Variants in DCLK1 observed in about 807,000 individuals in gnomAD.
DCLK1 encodes doublecortin like kinase 1, also known as serine/threonine-protein kinase DCLK1.
DCLK1 carries 16 observed loss-of-function variants against 86.2 expected under a neutral mutation model. That is an observed-to-expected ratio of 0.19 (90% CI 0.13 to 0.28). The LOEUF (loss-of-function observed/expected upper bound fraction) is 0.28. Among genes scored for constraint, DCLK1 ranks in the 10% least tolerant of loss-of-function variants. The pLI, the probability that DCLK1 is intolerant of heterozygous loss-of-function variation, is 1.00. For synonymous variants in DCLK1, 369 were observed against 370.5 expected (o/e 1.00, Z 0.05); for missense variants, 590 against 940.2 (o/e 0.63, Z 4.87).
intron 4 of DCLK1, among the ~76,000 whole-genome samples, chr13:35,914,161 A>C (rs1334229424): frequency 1.3e-5 from 2 of 151,576 alleles, no homozygotes; most frequent in Non-Finnish European, 2.9e-5. Context: ...TCTACAAAAA[A>C]TACAAATATT....
At position 35,994,746 on chromosome 13, in the gene DCLK1, G is replaced by A. The variant is rs370265942; in HGVS notation, c.724-47289C>T. ...TCGGGCTCTGATTCAGTCTTCAAAT[G>A]TCTGGCATGGAACATGAACTTCTGA... is the stretch of plus-strand genomic sequence containing the variant. On this transcript the variant is annotated intron_variant, in intron 3 of 16. Transcript: ENST00000360631. Among the ~76,000 whole-genome samples the A allele has an allele frequency of 2.6e-5, 4 of 152,318 alleles. No individual in the cohort carries two copies. The East Asian group carries it at 7.7e-4, about 29-fold the overall frequency.
At chr13:35,825,164 A>C (rs1247822892) in intron 10 of DCLK1, among the ~76,000 whole-genome samples, 2 of 152,148 alleles carry the variant, frequency 1.3e-5, no homozygotes, top group African/African-American at 4.8e-5. Context: ...TGAGAGCTTC[A>C]GGCATTCTTT....
chr13:35,974,652 T>A (rs966698443), intron 3 of DCLK1, among the ~76,000 whole-genome samples: 1 of 152,114 alleles, frequency 6.6e-6, no homozygotes, highest in East Asian at 1.9e-4. Flanking sequence ...TGCTTCCCTT[T>A]CACCTTCTGC....
At position 35,922,207 on chromosome 13, in the gene DCLK1, T is replaced by A. The variant is rs140211764; in HGVS notation, c.823+25151A>T. On this transcript the variant is annotated intron_variant, in intron 4 of 16. Transcript: ENST00000360631. ...AAAGTGACTGAAAAAATAAATCAAATTTTTTAATGTAAATAATAGGTACTA... is the reference window on the plus strand; with the variant it reads ...AAAGTGACTGAAAAAATAAATCAAAATTTTTAATGTAAATAATAGGTACTA... 2.2e-3 allele frequency among the ~76,000 whole-genome samples: 342 copies of A among 152,284 alleles called. 3 individuals carry two copies. Among genetic ancestry groups the A allele is most frequent in the African/African-American group, 7.8e-3 (326 of 41,554 alleles).
At chr13:36,100,409 A>G (rs1885176770) in intron 3 of DCLK1, among the ~76,000 whole-genome samples, 1 of 152,034 alleles carries the variant, frequency 6.6e-6, no homozygotes, top group Non-Finnish European at 1.5e-5. Flanking sequence ...TGATGTTACC[A>G]GGAAACAAAA....
chr13:35,958,609 G>A (rs1878279704), intron 3 of DCLK1, among the ~76,000 whole-genome samples: 1 of 152,148 alleles, frequency 6.6e-6, no homozygotes, highest in Non-Finnish European at 1.5e-5. Flanking sequence ...CATAAGGGGA[G>A]CCCTTACAAA....
At chr13:35,953,741 T>C (rs1877827072) in intron 3 of DCLK1, among the ~76,000 whole-genome samples, 1 of 152,160 alleles carries the variant, frequency 6.6e-6, no homozygotes, top group Non-Finnish European at 1.5e-5. Context: ...GTGGAATCCA[T>C]TCCCCCTCAC....
rs1041082435 is a variant in DCLK1 at position 35,772,686 on chromosome 13, C to T, written c.*1849G>A. 9.9e-5 allele frequency: 15 copies of T among 151,312 alleles called. No homozygotes were observed. Among genetic ancestry groups the T allele is most frequent in the African/African-American group, 3.4e-4 (14 of 41,034 alleles). 9.4% of individuals were successfully genotyped at this position (151,312 alleles called of 1,614,324 possible). On this transcript the variant is annotated 3_prime_UTR_variant, in exon 17 of 17. Coordinates refer to ENST00000360631, the MANE Select transcript of DCLK1 (RefSeq NM_001330071.2). The stretch of plus-strand genomic sequence containing the variant: ...CTCTAAAAGGGGGGGAAAAAAACCT[C>T]AATAAACGATATGCTTTTTACATGT...
At chr13:35,966,915 C>T (rs9545949) in intron 3 of DCLK1, among the ~76,000 whole-genome samples, 17,052 of 151,990 alleles carry the variant, frequency 0.11, 1,064 homozygotes, top group East Asian at 0.2. Context: ...CAGCCTCTGC[C>T]CGGCCGCCAC....
chr13:35,799,065 C>G (rs182281339), intron 15 of DCLK1, among the ~76,000 whole-genome samples: 49 of 152,234 alleles, frequency 3.2e-4, no homozygotes, highest in Non-Finnish European at 1.5e-5. Flanking sequence ...TTTATTTAAA[C>G]CAGTCTGTTC....
chr13:35,890,319 T>C (rs528628520), intron 4 of DCLK1, among the ~76,000 whole-genome samples: 13 of 152,262 alleles, frequency 8.5e-5, no homozygotes, highest in African/African-American at 3.1e-4. Flanking sequence ...TTTTCCGGTA[T>C]AAAAATGGGA....
At position 35,808,272 on chromosome 13, in the gene DCLK1, C is replaced by T. The variant is rs1187518423; in HGVS notation, c.1815G>A (p.Gln605=). The change falls in exon 14 of 17, where the codon CAG becomes CAA. Residue 605 remains glutamine (Q), a synonymous_variant. Transcript: ENST00000360631. ...CCCAGTATGGAGAAGGAAAGTCCACCTGCCCCATCAAAATCTGATCAAAAA... is the reference window on the plus strand; with the variant it reads ...CCCAGTATGGAGAAGGAAAGTCCACTTGCCCCATCAAAATCTGATCAAAAA... ...EVLFDQILMG[Q]VDFPSPYWDN... 70 of 1,613,966 alleles carry T rather than the reference C, an allele frequency of 4.3e-5. No homozygotes were observed. Among genetic ancestry groups the T allele is most frequent in the Non-Finnish European group, 5.3e-5 (63 of 1,179,994 alleles).
chr13:36,039,610 T>C (rs1378922825), intron 3 of DCLK1, among the ~76,000 whole-genome samples: 1 of 151,986 alleles, frequency 6.6e-6, no homozygotes, highest in African/African-American at 2.4e-5. Context: ...AAGTATTGCA[T>C]AGACAGGGTT....
At chr13:35,914,332 A>AATATATATATATACGTATATATAT (rs1875245872) in intron 4 of DCLK1, among the ~76,000 whole-genome samples, 1 of 74,068 alleles carries the variant, frequency 1.4e-5, no homozygotes, top group South Asian at 5.3e-4. Context: ...AAAAAAAAAA[A>AATATATATATATACGTATATATAT]ATATATATAT....
At chr13:35,870,196 T>C (rs765226277) in intron 5 of DCLK1, among the ~76,000 whole-genome samples, 2 of 152,166 alleles carry the variant, frequency 1.3e-5, no homozygotes, top group East Asian at 1.9e-4. Flanking sequence ...TGGCAGCCCA[T>C]TGATGCCACC....
intron 4 of DCLK1, among the ~76,000 whole-genome samples, chr13:35,936,399 T>C (rs1459342586): frequency 1.3e-5 from 2 of 152,176 alleles, no homozygotes; most frequent in African/African-American, 2.4e-5. Context: ...ATTCCAGAAA[T>C]GTCAAAGCAG....
chr13:36,081,387 C>A (rs148323531), intron 3 of DCLK1, among the ~76,000 whole-genome samples: 1 of 151,668 alleles, frequency 6.6e-6, no homozygotes, highest in Non-Finnish European at 1.5e-5. Flanking sequence ...TATAAAAAAT[C>A]TAATGAAGCA....
intron 5 of DCLK1, among the ~76,000 whole-genome samples, chr13:35,867,951 AAGAAAGAAAG>A (rs1871961235): frequency 6.8e-6 from 1 of 147,852 alleles, no homozygotes. Flanking sequence ...GAAAGAAAGA[AAGAAAGAAAG>A]AAAGAGAAAA....
chr13:35,783,377 T>TAATTTAATTCTCACCACA (rs1249715438), intron 16 of DCLK1, among the ~76,000 whole-genome samples: 3 of 152,126 alleles, frequency 2.0e-5, no homozygotes, highest in African/African-American at 7.2e-5. Context: ...CACAAGCAGC[T>TAATTTAATTCTCACCACA]AATTTAATTC....
Sources: allele counts gnomAD v4.1 joint callset (sites outside exome capture counted in the v4.1 genomes callset), GRCh38; gene constraint gnomAD v4.1.1; transcripts MANE v1.5; gene names NCBI Gene and HGNC (gene_info 2026-07-23, HGNC 2026-07-21).